Variants in SP3 observed in about 807,000 individuals in gnomAD.
The protein encoded by SP3 is Sp3 transcription factor.
Under a neutral mutation model 70.3 loss-of-function variants are expected in SP3, and 10 were observed. The observed-to-expected ratio is 0.14, with a 90% CI of 0.09 to 0.24. SP3 has a LOEUF of 0.24. Ranked by LOEUF, SP3 falls within the 10% of genes least tolerant of loss-of-function variation. The pLI is 1.00. For synonymous variants in SP3, 402 were observed against 333.5 expected, an observed-to-expected ratio of 1.21 and a Z score of -2.24; for missense variants, 825 against 914.6, an observed-to-expected ratio of 0.90 and a Z score of 1.26.
chr2:173,955,253 G>C lies in SP3; in HGVS notation c.1259C>G (p.Thr420Arg), dbSNP rs1690841714. ...AQIVQGITPQ[T>R]IHGVQASGQN... ...ACCACTGGCTTGCACACCATGGATT[G>C]TCTGTGGTGTAATACCTTGCACAAT... The change falls in exon 4 of 7, where the codon ACA becomes AGA. Residue 420 changes from threonine to arginine, a missense_variant. Thr to Arg is a moderately conservative substitution (Grantham distance 71, BLOSUM62 -1). Around this residue, in one of 4 missense-constraint regions of SP3, gnomAD observed 678 missense variants for 651.6 expected, o/e 1.04. Transcript: ENST00000310015. 3 of 1,614,136 alleles carry C rather than the reference G, an allele frequency of 1.9e-6. No individual in the cohort carries two copies. The highest frequency in any genetic ancestry group is 1.3e-5 in the African/African-American group (1 of 75,046).
rs535864420 is a variant in SP3 at position 173,903,075 on chromosome 2, T to C, written c.*6866A>G. 2.6e-5 allele frequency among the ~76,000 whole-genome samples: 4 copies of C among 152,334 alleles called. No individual in the cohort carries two copies. Among genetic ancestry groups the C allele is most frequent in the Non-Finnish European group, 5.9e-5 (4 of 68,028 alleles). ...ATACTAGCAGTTTCGTTAATAAATG[T>C]TGGCTGACAATTAGGTGGATCAAGG... is the stretch of plus-strand genomic sequence containing the variant. On this transcript the variant is annotated 3_prime_UTR_variant, in exon 7 of 7. Transcript: ENST00000310015.
chr2:173,962,195 A>G (rs1042897950), intron 3 of SP3, among the ~76,000 whole-genome samples: 3 of 152,154 alleles, frequency 2.0e-5, no homozygotes, highest in East Asian at 3.8e-4. Flanking sequence ...TCAGACTCAC[A>G]TATGTATGTA....
rs142281105 is a variant in SP3 at position 173,938,587 on chromosome 2, G to T, written c.1639+16286C>A. Among the ~76,000 whole-genome samples, 947 of 149,148 alleles carry T rather than the reference G, an allele frequency of 6.3e-3. 11 individuals carry two copies. The highest frequency in any genetic ancestry group is 0.022 in the African/African-American group (882 of 40,308). ...CATTTTATCCATCAAAAAAAAGAAT[G>T]CAGAAAAAAAAAAGATGAGTAAGCA... On this transcript the variant is annotated intron_variant, in intron 4 of 6. Transcript: ENST00000310015.
At chr2:173,912,124 A>C (rs1287662079) in intron 6 of SP3, among the ~76,000 whole-genome samples, 1 of 152,182 alleles carries the variant, frequency 6.6e-6, no homozygotes, top group Non-Finnish European at 1.5e-5. Flanking sequence ...CTGCAGCCTT[A>C]TCTACTTTCT....
At chr2:173,918,845 C>T in intron 4 of SP3, 60 bp from the exon 5 acceptor site, 1 of 1,365,684 alleles carries the variant, frequency 7.3e-7, no homozygotes, top group Non-Finnish European at 1.0e-6. Flanking sequence ...AAAAAGACAG[C>T]ATGAAATTAC....
chr2:173,932,186 T>C (rs1341209496), intron 4 of SP3, among the ~76,000 whole-genome samples: 4 of 152,122 alleles, frequency 2.6e-5, no homozygotes, highest in Non-Finnish European at 5.9e-5. Context: ...TTATTATCAA[T>C]TTGCCTAGTT....
chr2:173,919,462 T>C (rs992250983), intron 4 of SP3, among the ~76,000 whole-genome samples: 3 of 152,198 alleles, frequency 2.0e-5, no homozygotes, highest in South Asian at 2.1e-4. Context: ...TATCTCAGTA[T>C]AGATGACAGG....
chr2:173,918,983 A>G (rs981091016), intron 4 of SP3, among the ~76,000 whole-genome samples, 198 bp from the exon 5 acceptor site: 3 of 152,210 alleles, frequency 2.0e-5, no homozygotes, highest in African/African-American at 7.2e-5. Flanking sequence ...TCTCCTGTAT[A>G]AATGCTTATA....
At chr2:173,965,440 C>T (rs1574433185), upstream of SP3, 3 of 496,426 alleles carry the variant, frequency 6.0e-6, no homozygotes, top group South Asian at 2.5e-5. Flanking sequence ...GTCGGCTGTG[C>T]TCATTGGTCC....
At chr2:173,926,742 A>T (rs1689921049) in intron 4 of SP3, among the ~76,000 whole-genome samples, 1 of 152,228 alleles carries the variant, frequency 6.6e-6, no homozygotes, top group African/African-American at 2.4e-5. Context: ...TCTATTAACT[A>T]AGTCATTCCA....
chr2:173,920,255 T>A (rs868397332), intron 4 of SP3, among the ~76,000 whole-genome samples: 17 of 152,108 alleles, frequency 1.1e-4, no homozygotes, highest in African/African-American at 3.9e-4. Context: ...AGATCAGTGG[T>A]TGCCAGGAAT....
chr2:173,923,565 T>C (rs1689819241), intron 4 of SP3, among the ~76,000 whole-genome samples: 1 of 152,120 alleles, frequency 6.6e-6, no homozygotes, highest in African/African-American at 2.4e-5. Context: ...AACCAACTTA[T>C]CAAGTCTGGA....
Position 173,907,780 on chromosome 2 carries a change from T to C in SP3, c.*2161A>G, listed in dbSNP as rs889236510. The C allele has an allele frequency of 4.6e-5, 7 of 152,170 alleles. No homozygotes were observed. Among genetic ancestry groups the C allele is most frequent in the Non-Finnish European group, 8.8e-5 (6 of 67,986 alleles). The allele number at this position is 152,170 out of a possible 1,614,324, so 9.4% of individuals were successfully genotyped here. On this transcript the variant is annotated 3_prime_UTR_variant, in exon 7 of 7. Coordinates refer to ENST00000310015, the MANE Select transcript of SP3 (RefSeq NM_003111.5). Reference sequence around the variant, plus strand: ...AAAAATTACCTAAAGGATTTTAAGATTCAAAATCTAATCCCTGTAACTTCA... The same window carrying C: ...AAAAATTACCTAAAGGATTTTAAGACTCAAAATCTAATCCCTGTAACTTCA...
chr2:173,956,582 T>C (rs1469036194), intron 3 of SP3, among the ~76,000 whole-genome samples: 1 of 152,182 alleles, frequency 6.6e-6, no homozygotes, highest in Non-Finnish European at 1.5e-5. Context: ...TGCATTATAT[T>C]TGTGTATAAA....
chr2:173,962,214 T>C (rs1194329130), intron 3 of SP3, among the ~76,000 whole-genome samples: 2 of 152,198 alleles, frequency 1.3e-5, no homozygotes, highest in Non-Finnish European at 2.9e-5. Flanking sequence ...TACATACACA[T>C]ATTATTCACC....
At chr2:173,932,928 C>G (rs1317206691) in intron 4 of SP3, among the ~76,000 whole-genome samples, 1 of 152,058 alleles carries the variant, frequency 6.6e-6, no homozygotes, top group Non-Finnish European at 1.5e-5. Flanking sequence ...AGAGGCAGAG[C>G]TTGCAGTGAG....
chr2:173,914,407 A>G (rs1255084044), intron 5 of SP3: 1 of 152,102 alleles, frequency 6.6e-6, no homozygotes, highest in Non-Finnish European at 1.5e-5. Context: ...CGTTTTTCAA[A>G]TTTACTGGAA....
At chr2:173,939,763 T>TAAA (rs1690308402) in intron 4 of SP3, among the ~76,000 whole-genome samples, 1 of 4,770 alleles carries the variant, frequency 2.1e-4, no homozygotes, top group Non-Finnish European at 4.7e-4. Context: ...AGACTCCAAC[T>TAAA]CAAAAAAAAA....
At position 173,955,577 on chromosome 2, in the gene SP3, G is replaced by C. The variant is rs745707972; in HGVS notation, c.935C>G (p.Thr312Ser). 9 of 1,613,908 alleles carry C rather than the reference G, an allele frequency of 5.6e-6. No homozygotes were observed. Among genetic ancestry groups the C allele is most frequent in the Non-Finnish European group, 7.6e-6 (9 of 1,180,050 alleles). Residue 312 changes from threonine (T) to serine (S), a missense_variant, in exon 4 of 7, where the codon ACT becomes AGT. Thr to Ser is a moderately conservative substitution (Grantham distance 58). Around this residue, in one of 4 missense-constraint regions of SP3, gnomAD observed 678 missense variants for 651.6 expected, o/e 1.04. Transcript: ENST00000310015. ...AMDSSDNSER[T>S]GERVSPDINE... Reference sequence around the variant, plus strand: ...AATATCAGGAGAAACCCGCTCACCAGTCCTTTCTGAATTGTCTGAACTATC... The same window carrying C: ...AATATCAGGAGAAACCCGCTCACCACTCCTTTCTGAATTGTCTGAACTATC...
Sources: allele counts gnomAD v4.1 joint callset (sites outside exome capture counted in the v4.1 genomes callset), GRCh38; gene constraint gnomAD v4.1.1; regional missense constraint gnomAD v4.1.1; transcripts MANE v1.5; gene names NCBI Gene and HGNC (gene_info 2026-07-23, HGNC 2026-07-21).